BMP6: variants seen among roughly 807,000 people sequenced by gnomAD.
BMP6 encodes bone morphogenetic protein 6.
Under a neutral mutation model 54.1 loss-of-function variants are expected in BMP6, and 17 were observed. The observed-to-expected ratio is 0.31, with a 90% CI of 0.22 to 0.47. The LOEUF is 0.47. BMP6 is among the 20% of genes least tolerant of loss of function. BMP6 has a pLI of 1.00. For missense variants in BMP6, 720 were observed against 690.4 expected, an observed-to-expected ratio of 1.04 and a Z score of -0.48; for synonymous variants, 328 against 291.2, an observed-to-expected ratio of 1.13 and a Z score of -1.28.
chr6:7,830,306 G>A (rs1758775113), intron 1 of BMP6, among the ~76,000 whole-genome samples: 1 of 152,096 alleles, frequency 6.6e-6, no homozygotes, highest in Admixed American at 6.5e-5. Context: ...TGACTCCCCT[G>A]GATTAAACCT....
intron 1 of BMP6, among the ~76,000 whole-genome samples, chr6:7,822,459 C>G (rs1373400007): frequency 6.6e-6 from 1 of 152,206 alleles, no homozygotes; most frequent in Non-Finnish European, 1.5e-5. Context: ...CCTCTTCCCT[C>G]CTCATGCCTG....
intron 1 of BMP6, among the ~76,000 whole-genome samples, chr6:7,814,268 T>A (rs950919578): frequency 6.6e-6 from 1 of 152,220 alleles, no homozygotes; most frequent in African/African-American, 2.4e-5. Context: ...ATCTGCAGAA[T>A]CCCTATTGCC....
intron 1 of BMP6, among the ~76,000 whole-genome samples, chr6:7,727,992 G>A (rs756671338): frequency 3.3e-5 from 5 of 152,086 alleles, no homozygotes; most frequent in Non-Finnish European, 7.4e-5. Flanking sequence ...AGTCCAGCCC[G>A]AGTGTGGCCA....
chr6:7,770,731 T>G lies in BMP6; in HGVS notation c.664+43112T>G, dbSNP rs146376267. On this transcript the variant is annotated intron_variant, in intron 1 of 6. Coordinates refer to ENST00000283147, the MANE Select transcript of BMP6 (RefSeq NM_001718.6). ...TTTCCAGATTTACTAACTCAGAAGTTCTAGGAAAGGGGGCTGGGAAATCTG... is the reference window on the plus strand; with the variant it reads ...TTTCCAGATTTACTAACTCAGAAGTGCTAGGAAAGGGGGCTGGGAAATCTG... Among the ~76,000 whole-genome samples, 612 of 152,336 alleles carry G rather than the reference T, an allele frequency of 4.0e-3. 6 individuals are homozygous for G. Among genetic ancestry groups the G allele is most frequent in the East Asian group, 0.023 (118 of 5,192 alleles).
At chr6:7,872,273 C>G in intron 4 of BMP6, among the ~76,000 whole-genome samples, 1 of 147,194 alleles carries the variant, frequency 6.8e-6, no homozygotes, top group East Asian at 2.0e-4. Flanking sequence ...TTTCTGTAAT[C>G]TGTAATCTGT....
chr6:7,855,600 C>T (rs534480369), intron 2 of BMP6, among the ~76,000 whole-genome samples: 1 of 117,522 alleles, frequency 8.5e-6, no homozygotes, highest in South Asian at 2.9e-4. Flanking sequence ...TGTGCTCTGT[C>T]GCTCAGGCTG....
At chr6:7,740,108 G>A (rs537046321) in intron 1 of BMP6, among the ~76,000 whole-genome samples, 1 of 152,310 alleles carries the variant, frequency 6.6e-6, no homozygotes, top group South Asian at 2.1e-4. Flanking sequence ...AGTAAAGAGA[G>A]AACATGTGGC....
At chr6:7,734,886 A>AGGCTCT (rs1761928900) in intron 1 of BMP6, among the ~76,000 whole-genome samples, 1 of 152,218 alleles carries the variant, frequency 6.6e-6, no homozygotes, top group South Asian at 2.1e-4. Flanking sequence ...TTGCAGGATG[A>AGGCTCT]GGTTCTGGTT....
chr6:7,771,073 C>T (rs1311808873), intron 1 of BMP6, among the ~76,000 whole-genome samples: 1 of 152,182 alleles, frequency 6.6e-6, no homozygotes, highest in Non-Finnish European at 1.5e-5. Context: ...TTGCTTGTAA[C>T]AGAAATGAGA....
At chr6:7,774,530 C>T (rs372150280) in intron 1 of BMP6, among the ~76,000 whole-genome samples, 1 of 151,676 alleles carries the variant, frequency 6.6e-6, no homozygotes, top group African/African-American at 2.4e-5. Context: ...CCAGCCTGGG[C>T]GACAGAGGGA....
chr6:7,866,876 G>C (rs1295356032), intron 4 of BMP6, among the ~76,000 whole-genome samples: 1 of 151,934 alleles, frequency 6.6e-6, no homozygotes, highest in Non-Finnish European at 1.5e-5. Flanking sequence ...TTTCTTTTTT[G>C]TTTGTTTGTT....
At chr6:7,807,539 A>G (rs917129226) in intron 1 of BMP6, among the ~76,000 whole-genome samples, 4 of 152,146 alleles carry the variant, frequency 2.6e-5, no homozygotes, top group Non-Finnish European at 4.4e-5. Flanking sequence ...TTGGCCTCCC[A>G]AAGTGCTGGG....
intron 1 of BMP6, among the ~76,000 whole-genome samples, chr6:7,822,284 T>C (rs1011659195): frequency 6.6e-6 from 1 of 152,154 alleles, no homozygotes; most frequent in Non-Finnish European, 1.5e-5. Context: ...CCTCCCAAAG[T>C]GTTGGGATTA....
intron 1 of BMP6, among the ~76,000 whole-genome samples, chr6:7,829,540 C>CA (rs1377537392): frequency 6.6e-6 from 1 of 151,838 alleles, no homozygotes; most frequent in African/African-American, 2.4e-5. Flanking sequence ...CCCATCTTTA[C>CA]AAAAAAATAA....
chr6:7,840,614 G>A (rs1482895830), intron 1 of BMP6, among the ~76,000 whole-genome samples: 1 of 152,016 alleles, frequency 6.6e-6, no homozygotes, highest in African/African-American at 2.4e-5. Flanking sequence ...ATAAAGCTTC[G>A]TTTGTTCAGT....
intron 1 of BMP6, among the ~76,000 whole-genome samples, chr6:7,738,020 T>C (rs575465324): frequency 4.7e-4 from 72 of 152,314 alleles, no homozygotes; most frequent in Non-Finnish European, 8.4e-4. Flanking sequence ...TTAACCAAAT[T>C]TCTAGGTCTC....
At chr6:7,734,906 A>G (rs1379033614) in intron 1 of BMP6, among the ~76,000 whole-genome samples, 1 of 152,344 alleles carries the variant, frequency 6.6e-6, no homozygotes, top group East Asian at 1.9e-4. Flanking sequence ...TCCAAGTGGG[A>G]GAGCCTTCCT....
chr6:7,817,567 C>T (rs1290897468), intron 1 of BMP6, among the ~76,000 whole-genome samples: 1 of 128,266 alleles, frequency 7.8e-6, no homozygotes, highest in East Asian at 2.2e-4. Flanking sequence ...CACACGGGGG[C>T]CTGTCGTGGC....
chr6:7,762,517 T>C (rs1757628479), intron 1 of BMP6, among the ~76,000 whole-genome samples: 1 of 152,222 alleles, frequency 6.6e-6, no homozygotes, highest in Admixed American at 6.5e-5. Context: ...GAGTTTATGA[T>C]ATTATCAGGG....
Sources: gnomAD v4.1 joint callset for allele counts (sites outside exome capture counted in the v4.1 genomes callset) on GRCh38, gnomAD v4.1.1 for gene constraint, MANE v1.5 for transcripts, NCBI Gene and HGNC (gene_info 2026-07-23, HGNC 2026-07-21) for gene names.